The following ASB8 variants were observed in gnomAD, a reference collection of about 807,000 sequenced individuals.
ASB8 encodes the protein ankyrin repeat and SOCS box protein 8.
ASB8 carries 15 observed loss-of-function variants against 22.9 expected under a neutral mutation model. That is an observed-to-expected ratio of 0.66 (90% CI 0.44 to 1.01). ASB8 has a LOEUF of 1.01. ASB8 is among the 50% of genes least tolerant of loss of function. The pLI is 0.00. For synonymous variants in ASB8, 124 were observed against 140.8 expected (o/e 0.88, Z 0.84); for missense variants, 294 against 356.9 (o/e 0.82, Z 1.42).
At chr12:48,153,684 C>A (rs1951240269) in intron 1 of ASB8, 155 bp from the exon 2 acceptor site, 4 of 543,762 alleles carry the variant, frequency 7.4e-6, no homozygotes, top group Non-Finnish European at 1.2e-5. Context: ...ATAATAGTTG[C>A]CTAGGGAGTT....
Position 48,149,334 on chromosome 12 carries a change from T to G in ASB8, c.*32A>C. The G allele has an allele frequency of 6.3e-7, 1 of 1,592,828 alleles. No individual in the cohort carries two copies. The highest frequency in any genetic ancestry group is 8.6e-7 in the Non-Finnish European group (1 of 1,166,152). ...CTGCAGGGACAACCTCACCCAGAGC[T>G]GCCTGCACGATGGTGCAAACATCTT... is the stretch of plus-strand genomic sequence containing the variant. On this transcript the variant is annotated 3_prime_UTR_variant, in exon 4 of 4. Coordinates refer to ENST00000317697, the MANE Select transcript of ASB8 (RefSeq NM_024095.5).
rs933758642 is a variant in ASB8, at chr12:48,148,663, T to G, written c.*703A>C. ...TTCACAGATCAATTAAAATGGTTTT[T>G]TTTTTTTTTTTTTTTTTTTGAGACA... On this transcript the variant is annotated 3_prime_UTR_variant, in exon 4 of 4. Transcript: ENST00000317697. 2 of 144,718 alleles carry G rather than the reference T, an allele frequency of 1.4e-5. No homozygotes were observed. Among genetic ancestry groups the G allele is most frequent in the Admixed American group, 6.9e-5 (1 of 14,474 alleles). 9.0% of individuals were successfully genotyped at this position (144,718 alleles called of 1,614,324 possible).
chr12:48,150,906 C>T (rs1951189471), intron 3 of ASB8: 1 of 536,978 alleles, frequency 1.9e-6, no homozygotes, highest in South Asian at 2.6e-5. Context: ...GGTAAGCTTC[C>T]TGAAGTGATG....
intron 3 of ASB8, 118 bp downstream of exon 3, chr12:48,151,083 G>A: frequency 1.3e-6 from 1 of 749,520 alleles, no homozygotes; most frequent in Non-Finnish European, 2.3e-6. Flanking sequence ...ACATTACCTT[G>A]AGTTAGAAGT....
Position 48,149,296 on chromosome 12 carries a change from G to T in ASB8, c.*70C>A. 1.4e-6 allele frequency: 2 copies of T among 1,451,240 alleles called. No homozygotes were observed. Among genetic ancestry groups the T allele is most frequent in the Admixed American group, 2.1e-5 (1 of 47,092 alleles). The allele number at this position is 1,451,240 out of a possible 1,614,324, so 89.9% of individuals were successfully genotyped here. On this transcript the variant is annotated 3_prime_UTR_variant, in exon 4 of 4. Coordinates refer to ENST00000317697, the MANE Select transcript of ASB8 (RefSeq NM_024095.5). ...AGGAACAACTGTTTTTCTGTTTTCT[G>T]TGACAAGGAGTACTGCAGGGACAAC...
rs1565927429 is a variant in ASB8, at chr12:48,151,189, T to C, written c.234+12A>G. 1 of 1,592,646 alleles carries C rather than the reference T, an allele frequency of 6.3e-7. No individual in the cohort carries two copies. The highest frequency in any genetic ancestry group is 8.6e-7 in the Non-Finnish European group (1 of 1,160,406). On this transcript the variant is annotated intron_variant, in intron 3 of 3. Transcript: ENST00000317697. ...TAGTGAGTCATTAATGTGAATGTGT[T>C]AAAAACATTACCTCGGCTCCTTTTT...
rs201176324 is a variant in ASB8, at chr12:48,149,723, A to G, written c.510T>C (p.Leu170=). 1.2e-6 allele frequency: 2 copies of G among 1,614,160 alleles called. No individual in the cohort carries two copies. Among genetic ancestry groups the G allele is most frequent in the African/African-American group, 2.7e-5 (2 of 75,036 alleles). The change falls in exon 4 of 4, where the codon CTT becomes CTC. Residue 170 remains leucine, a synonymous_variant. Coordinates refer to ENST00000317697, the MANE Select transcript of ASB8 (RefSeq NM_024095.5). ...CTCTGACCTCTGCGCCATAATCCAG[A>G]AGGATGCTGACACTCTCAAGATTTC... ...MKGNLESVSI[L]LDYGAEVRVI...
chr12:48,151,723 G>A (rs1442174914), intron 2 of ASB8: 3 of 1,011,860 alleles, frequency 3.0e-6, no homozygotes, highest in Non-Finnish European at 4.1e-6. Flanking sequence ...ATGCTCTTTT[G>A]TCCATTCAAC....
intron 3 of ASB8, 96 bp from the exon 4 acceptor site, chr12:48,150,094 A>G: frequency 3.6e-6 from 5 of 1,371,192 alleles, no homozygotes; most frequent in Non-Finnish European, 5.2e-6. Context: ...TACCTTTGCT[A>G]TGCAGTGCTC....
intron 1 of ASB8, among the ~76,000 whole-genome samples, chr12:48,154,423 G>A (rs1027470763): frequency 2.0e-5 from 3 of 146,820 alleles, no homozygotes; most frequent in Non-Finnish European, 4.5e-5. Flanking sequence ...AGAGCTTGCA[G>A]TGAGCCGAGA....
At position 48,153,536 on chromosome 12, in the gene ASB8, C is replaced by G. The variant is rs1254321222; in HGVS notation, c.-33-7G>C. On this transcript the variant is annotated splice_region_variant and splice_polypyrimidine_tract_variant and intron_variant, in intron 1 of 3. Transcript: ENST00000317697. ...TTCACATGCTCCAAACTGCCTGAAA[C>G]AAAGAAGTTTTCGGCATATACAATA... 1.7e-5 allele frequency: 27 copies of G among 1,608,906 alleles called. No homozygotes were observed. In the South Asian group the frequency reaches 3.0e-4, roughly 18 times the overall value.
At chr12:48,151,752 G>C in intron 2 of ASB8, 1 of 691,652 alleles carries the variant, frequency 1.4e-6, no homozygotes, top group Non-Finnish European at 2.2e-6. Flanking sequence ...ATCATTAATA[G>C]TGGCATCATC....
At chr12:48,151,355 A>G in intron 2 of ASB8, 50 bp from the exon 3 acceptor site, 1 of 1,447,644 alleles carries the variant, frequency 6.9e-7, no homozygotes, top group Non-Finnish European at 9.6e-7. Flanking sequence ...TGGCTTGCCC[A>G]GCAGGACAGA....
chr12:48,150,705 C>A (rs1482491360), intron 3 of ASB8, among the ~76,000 whole-genome samples: 2 of 151,710 alleles, frequency 1.3e-5, no homozygotes, highest in Non-Finnish European at 2.9e-5. Context: ...CAAAAAAAAA[C>A]CCTGAAACAT....
intron 1 of ASB8, among the ~76,000 whole-genome samples, chr12:48,154,467 T>G (rs1376070646): frequency 5.4e-5 from 6 of 111,110 alleles, no homozygotes; most frequent in African/African-American, 1.9e-4. Context: ...GGCAACAGAG[T>G]GAGACTCTAT....
intron 1 of ASB8, among the ~76,000 whole-genome samples, chr12:48,155,729 CAA>C (rs1219893101): frequency 2.9e-4 from 31 of 107,762 alleles, no homozygotes; most frequent in Middle Eastern, 5.3e-3. Flanking sequence ...GACTCCATCT[CAA>C]AAAAAAAAAA....
intron 1 of ASB8, 61 bp from the exon 2 acceptor site, chr12:48,153,590 G>A: frequency 7.2e-7 from 1 of 1,388,208 alleles, no homozygotes. Flanking sequence ...TTTAGGGTTA[G>A]GTCTTCTCTG....
intron 3 of ASB8, 141 bp from the exon 4 acceptor site, chr12:48,150,139 TC>T (rs1329265848): frequency 2.3e-6 from 2 of 874,606 alleles, no homozygotes; most frequent in Admixed American, 3.9e-5. Context: ...TCCCAGGGAG[TC>T]CTGGTGATAA....
intron 3 of ASB8, chr12:48,150,231 T>A: frequency 1.4e-6 from 1 of 701,498 alleles, no homozygotes; most frequent in South Asian, 1.5e-5. Flanking sequence ...GTGCACTGAC[T>A]AGCTGGTCTG....
Sources: gnomAD v4.1 joint callset for allele counts (sites outside exome capture counted in the v4.1 genomes callset) on GRCh38, gnomAD v4.1.1 for gene constraint, MANE v1.5 for transcripts, NCBI Gene and HGNC (gene_info 2026-07-23, HGNC 2026-07-21) for gene names.